The following CDH12 variants were observed in gnomAD, a reference collection of about 807,000 sequenced individuals.
CDH12 encodes cadherin-12.
CDH12 carries 41 observed loss-of-function variants against 74.1 expected under a neutral mutation model. That is an observed-to-expected ratio of 0.55 (90% CI 0.43 to 0.72). The LOEUF (loss-of-function observed/expected upper bound fraction) is 0.72. Ranked by LOEUF, CDH12 falls within the 30% of genes least tolerant of loss-of-function variation. CDH12 has a pLI of 0.00. For synonymous variants in CDH12, 399 were observed against 355.0 expected, an observed-to-expected ratio of 1.12 and a Z score of -1.39; for missense variants, 945 against 977.2, an observed-to-expected ratio of 0.97 and a Z score of 0.44.
intron 6 of CDH12, among the ~76,000 whole-genome samples, chr5:21,965,852 A>G (rs1029402258): frequency 1.3e-5 from 2 of 152,162 alleles, no homozygotes; most frequent in African/African-American, 4.8e-5. Flanking sequence ...TTTTAATCCA[A>G]TATCGAGTTG....
chr5:22,705,130 TACAC>T lies in CDH12; in HGVS notation c.-523+147924_-523+147927del, dbSNP rs1554060406. Reference sequence around the variant, plus strand: ...CCCCACCCAGTCATATATATATATATACACACACACACACACACACACACACACA... The same window carrying T: ...CCCCACCCAGTCATATATATATATATACACACACACACACACACACACACA... On this transcript the variant is annotated intron_variant, in intron 1 of 14. Coordinates refer to ENST00000382254, the MANE Select transcript of CDH12 (RefSeq NM_004061.5). 2.1e-3 allele frequency among the ~76,000 whole-genome samples: 262 copies of T among 125,602 alleles called. 1 individual carries two copies. Among genetic ancestry groups the T allele is most frequent in the Admixed American group, 3.4e-3 (41 of 12,028 alleles). The allele number at this position is 125,602 out of a possible 152,430, so 82.4% of individuals were successfully genotyped here. A position where few individuals can be genotyped will look rare whatever the true frequency, so the allele number is the denominator to read the frequency against.
chr5:22,191,567 T>C (rs1750284183), intron 4 of CDH12, among the ~76,000 whole-genome samples: 1 of 58,550 alleles, frequency 1.7e-5, no homozygotes, highest in African/African-American at 5.9e-5. Context: ...TTTATTTTTA[T>C]TTTTTTTTTT....
At chr5:22,156,693 A>G (rs1232890662) in intron 4 of CDH12, among the ~76,000 whole-genome samples, 1 of 152,122 alleles carries the variant, frequency 6.6e-6, no homozygotes, top group African/African-American at 2.4e-5. Flanking sequence ...GAACACTCCA[A>G]TGAGCACCAG....
intron 6 of CDH12, among the ~76,000 whole-genome samples, chr5:21,962,425 G>A (rs1340434431): frequency 6.6e-6 from 1 of 152,070 alleles, no homozygotes; most frequent in African/African-American, 2.4e-5. Context: ...GTTCATTACT[G>A]AAAATTTCCT....
At chr5:22,641,901 G>T (rs1739171662) in intron 1 of CDH12, among the ~76,000 whole-genome samples, 1 of 152,132 alleles carries the variant, frequency 6.6e-6, no homozygotes. Flanking sequence ...TGTTTTTGGT[G>T]AGTGAATGGA....
chr5:21,839,971 C>T (rs75046298), intron 8 of CDH12, among the ~76,000 whole-genome samples: 3,072 of 152,184 alleles, frequency 0.02, 64 homozygotes, highest in African/African-American at 0.058. Flanking sequence ...ACAAGAAACA[C>T]AGAGTTATAG....
chr5:22,377,826 T>G (rs529300685), intron 3 of CDH12, among the ~76,000 whole-genome samples: 2 of 152,292 alleles, frequency 1.3e-5, no homozygotes, highest in South Asian at 4.1e-4. Flanking sequence ...AAAAACTCAC[T>G]GATGCATCAT....
intron 6 of CDH12, among the ~76,000 whole-genome samples, chr5:21,972,480 GA>G (rs912342819): frequency 9.2e-5 from 14 of 151,972 alleles, no homozygotes; most frequent in African/African-American, 3.1e-4. Context: ...TTATATGAGA[GA>G]AAAAAAAGTA....
At chr5:22,849,273 A>G (rs1218040862) in intron 1 of CDH12, among the ~76,000 whole-genome samples, 2 of 152,152 alleles carry the variant, frequency 1.3e-5, no homozygotes, top group African/African-American at 2.4e-5. Context: ...ATAATCCTTA[A>G]ACTATGGTTT....
At chr5:22,032,432 C>T (rs1738881167) in intron 5 of CDH12, among the ~76,000 whole-genome samples, 1 of 151,866 alleles carries the variant, frequency 6.6e-6, no homozygotes, top group Non-Finnish European at 1.5e-5. Context: ...CAAAAAGGGG[C>T]CAGGCACGGT....
At chr5:22,660,536 G>A (rs573038085) in intron 1 of CDH12, among the ~76,000 whole-genome samples, 5 of 152,184 alleles carry the variant, frequency 3.3e-5, no homozygotes, top group African/African-American at 7.2e-5. Context: ...CTCAGCCCCC[G>A]GAGTAGCTGT....
At chr5:21,902,855 G>T (rs916029515) in intron 6 of CDH12, among the ~76,000 whole-genome samples, 2 of 152,060 alleles carry the variant, frequency 1.3e-5, no homozygotes, top group African/African-American at 2.4e-5. Flanking sequence ...AAACATTGGG[G>T]AACACTTGTA....
intron 1 of CDH12, among the ~76,000 whole-genome samples, chr5:22,634,992 C>A (rs1738766879): frequency 6.8e-6 from 1 of 146,482 alleles, no homozygotes. Context: ...TTTTTTTTGG[C>A]AGAAATTGTC....
At chr5:21,990,689 A>G (rs967288116) in intron 5 of CDH12, among the ~76,000 whole-genome samples, 2 of 151,936 alleles carry the variant, frequency 1.3e-5, no homozygotes, top group Non-Finnish European at 2.9e-5. Context: ...CAACTTTCTA[A>G]TGGCTTTATG....
intron 1 of CDH12, among the ~76,000 whole-genome samples, chr5:22,550,729 T>C (rs901308651): frequency 6.6e-6 from 1 of 152,204 alleles, no homozygotes; most frequent in African/African-American, 2.4e-5. Context: ...TTTAACTTTA[T>C]CCAGTTATAA....
At chr5:22,015,018 C>A (rs1269265822) in intron 5 of CDH12, among the ~76,000 whole-genome samples, 1 of 152,050 alleles carries the variant, frequency 6.6e-6, no homozygotes, top group Non-Finnish European at 1.5e-5. Context: ...TTAAGATATT[C>A]TTCCCTGTAA....
chr5:22,107,814 A>G (rs1254123104), intron 4 of CDH12, among the ~76,000 whole-genome samples: 2 of 152,138 alleles, frequency 1.3e-5, no homozygotes, highest in African/African-American at 4.8e-5. Context: ...GAAGATTTTT[A>G]TCATTATATT....
At chr5:22,187,188 T>C (rs1213305366) in intron 4 of CDH12, among the ~76,000 whole-genome samples, 1 of 152,152 alleles carries the variant, frequency 6.6e-6, no homozygotes, top group East Asian at 1.9e-4. Context: ...CTAGGAGTAA[T>C]AGACCAGTCT....
intron 1 of CDH12, among the ~76,000 whole-genome samples, chr5:22,599,450 A>C (rs1179592681): frequency 6.6e-6 from 1 of 152,204 alleles, no homozygotes; most frequent in African/African-American, 2.4e-5. Flanking sequence ...GCCCCAGTGC[A>C]TTCTTATAGT....
Sources: allele counts gnomAD v4.1 joint callset (sites outside exome capture counted in the v4.1 genomes callset), GRCh38; gene constraint gnomAD v4.1.1; transcripts MANE v1.5; gene names NCBI Gene and HGNC (gene_info 2026-07-23, HGNC 2026-07-21).